Variants in RSPO2 observed in about 807,000 individuals in gnomAD.
The protein encoded by RSPO2 is R-spondin 2, also known as R-spondin-2.
A neutral mutation model predicts 30.9 loss-of-function variants in RSPO2; 14 were observed. The ratio of observed to expected loss-of-function variants is 0.45; its 90% CI spans 0.30 to 0.71. RSPO2 has a LOEUF of 0.71. Among genes scored for constraint, RSPO2 ranks in the 30% least tolerant of loss-of-function variants. The pLI, the probability that RSPO2 is intolerant of heterozygous loss-of-function variation, is 0.08. For missense variants in RSPO2, 264 were observed against 301.9 expected (o/e 0.87, Z 0.93); for synonymous variants, 107 against 96.4 (o/e 1.11, Z -0.64).
chr8:107,908,644 G>T (rs1407983667), intron 5 of RSPO2, among the ~76,000 whole-genome samples: 2 of 152,060 alleles, frequency 1.3e-5, no homozygotes, highest in Admixed American at 6.6e-5. Context: ...CCCATTGGAG[G>T]CTTTTTATTT....
chr8:107,940,679 G>T (rs1241214029), intron 5 of RSPO2, among the ~76,000 whole-genome samples: 1 of 152,126 alleles, frequency 6.6e-6, no homozygotes, highest in African/African-American at 2.4e-5. Context: ...AAGCAATGTA[G>T]ATTCAAGTCC....
At chr8:107,948,353 G>A (rs1813132664) in intron 5 of RSPO2, among the ~76,000 whole-genome samples, 1 of 152,204 alleles carries the variant, frequency 6.6e-6, no homozygotes, top group Non-Finnish European at 1.5e-5. Flanking sequence ...TCTTGGGGAA[G>A]TAGGTTGAAA....
intron 2 of RSPO2, among the ~76,000 whole-genome samples, chr8:108,054,543 G>A (rs1812181694): frequency 1.3e-5 from 2 of 152,136 alleles, no homozygotes; most frequent in Non-Finnish European, 2.9e-5. Context: ...CGAGGGGTTG[G>A]GAAACATAGT....
At position 107,970,038 on chromosome 8, in the gene RSPO2, CAAG is replaced by C. The variant is rs537501995; in HGVS notation, c.284-9224_284-9222del. ...CCACTCAACCCCCATCCAAGGAAAA[CAAG>C]AAGAATACCTTAATCTCTTTATACT... is the stretch of plus-strand genomic sequence containing the variant. On this transcript the variant is annotated intron_variant, in intron 3 of 5. Transcript: ENST00000276659. Among the ~76,000 whole-genome samples, 22 of 152,208 alleles carry C rather than the reference CAAG, an allele frequency of 1.4e-4. No individual in the cohort carries two copies. The South Asian group carries it at 3.7e-3, about 26-fold the overall frequency.
At chr8:107,958,296 A>G (rs1813497370) in intron 4 of RSPO2, 28 bp from the exon 5 acceptor site, 1 of 1,571,070 alleles carries the variant, frequency 6.4e-7, no homozygotes, top group Non-Finnish European at 8.7e-7. Context: ...AAAAAGAAAA[A>G]AAAACACAAG....
intron 2 of RSPO2, among the ~76,000 whole-genome samples, chr8:108,017,117 C>T (rs1810915738): frequency 1.3e-5 from 2 of 151,734 alleles, no homozygotes; most frequent in South Asian, 4.2e-4. Flanking sequence ...CCCAGGTTCA[C>T]ACCATTCTCC....
At chr8:108,081,450 G>A (rs910440107) in intron 2 of RSPO2, among the ~76,000 whole-genome samples, 18 of 152,184 alleles carry the variant, frequency 1.2e-4, no homozygotes, top group Admixed American at 2.0e-4. Flanking sequence ...TTCTAATTGC[G>A]CAAAAGTCCA....
rs1327431650 is a variant in RSPO2, at chr8:107,933,295, ATAAAAG to A, written c.616+24779_616+24784del. The stretch of plus-strand genomic sequence containing the variant: ...AGTCCATGCACATGTTGAGCCTGCT[ATAAAAG>A]TAAAAGAACACAAAAATAGTCAACT... On this transcript the variant is annotated intron_variant, in intron 5 of 5. Transcript: ENST00000276659. 6.6e-5 allele frequency among the ~76,000 whole-genome samples: 10 copies of A among 152,322 alleles called. No individual in the cohort carries two copies. In the East Asian group the frequency reaches 1.7e-3, roughly 26 times the overall value.
At chr8:107,976,629 C>T (rs987904987) in intron 3 of RSPO2, among the ~76,000 whole-genome samples, 2 of 152,256 alleles carry the variant, frequency 1.3e-5, no homozygotes, top group East Asian at 1.9e-4. Flanking sequence ...AATTTTTAGA[C>T]ATGAGGACAC....
chr8:107,978,199 G>A (rs1022412540), intron 3 of RSPO2, among the ~76,000 whole-genome samples: 18 of 151,990 alleles, frequency 1.2e-4, no homozygotes, highest in Admixed American at 6.6e-4. Context: ...AAGCCGAGGC[G>A]GGCAGATCAC....
In RSPO2 at chr8:107,933,359, C is replaced by T. The variant is rs61340328; in HGVS notation, c.616+24721G>A. Reference sequence around the variant, plus strand: ...AGTAACTGGCCAAAAGGATTGTATACGAAATATACACATATTTAAATTATC... The same window carrying T: ...AGTAACTGGCCAAAAGGATTGTATATGAAATATACACATATTTAAATTATC... On this transcript the variant is annotated intron_variant, in intron 5 of 5. Coordinates refer to ENST00000276659, the MANE Select transcript of RSPO2 (RefSeq NM_178565.5). 6.9e-3 allele frequency among the ~76,000 whole-genome samples: 1,053 copies of T among 152,196 alleles called. 6 individuals are homozygous for T. The highest frequency in any genetic ancestry group is 0.024 in the African/African-American group (994 of 41,518).
At chr8:108,013,027 A>G (rs1810757560) in intron 2 of RSPO2, among the ~76,000 whole-genome samples, 1 of 152,178 alleles carries the variant, frequency 6.6e-6, no homozygotes, top group Non-Finnish European at 1.5e-5. Flanking sequence ...CTGTGGAAAG[A>G]ATGGCTGTTC....
At chr8:107,910,444 G>T (rs1811786466) in intron 5 of RSPO2, among the ~76,000 whole-genome samples, 1 of 152,162 alleles carries the variant, frequency 6.6e-6, no homozygotes, top group South Asian at 2.1e-4. Flanking sequence ...AAGGCAGGAG[G>T]ATTGCTTGAG....
At chr8:107,956,900 T>C (rs1813451638) in intron 5 of RSPO2, among the ~76,000 whole-genome samples, 1 of 152,216 alleles carries the variant, frequency 6.6e-6, no homozygotes, top group South Asian at 2.1e-4. Context: ...GAAAAATACC[T>C]AGTTTAAGTG....
chr8:107,964,960 T>C (rs1813748360), intron 3 of RSPO2, among the ~76,000 whole-genome samples: 2 of 152,198 alleles, frequency 1.3e-5, no homozygotes, highest in South Asian at 4.1e-4. Context: ...ATAGCCACTG[T>C]GTTAACAGTT....
chr8:107,961,680 A>G (rs1813631742), intron 3 of RSPO2, among the ~76,000 whole-genome samples: 1 of 152,144 alleles, frequency 6.6e-6, no homozygotes, highest in Non-Finnish European at 1.5e-5. Flanking sequence ...CTGAGCCTCT[A>G]TTGCCTCCTG....
chr8:108,070,183 G>A (rs973068856), intron 2 of RSPO2, among the ~76,000 whole-genome samples: 1 of 151,872 alleles, frequency 6.6e-6, no homozygotes, highest in Non-Finnish European at 1.5e-5. Context: ...TTTTAGCTGA[G>A]AGTCGTGGCA....
At chr8:107,987,907 A>C (rs1814703629) in intron 3 of RSPO2, among the ~76,000 whole-genome samples, 1 of 152,164 alleles carries the variant, frequency 6.6e-6, no homozygotes, top group Non-Finnish European at 1.5e-5. Context: ...AGATTTAATT[A>C]TCTCATATAT....
intron 2 of RSPO2, among the ~76,000 whole-genome samples, chr8:108,064,307 C>T (rs970700083): frequency 2.0e-5 from 3 of 151,912 alleles, no homozygotes. Context: ...TATCCAGAAT[C>T]TACAAAAAAA....
Sources: allele counts gnomAD v4.1 joint callset (sites outside exome capture counted in the v4.1 genomes callset), GRCh38; gene constraint gnomAD v4.1.1; transcripts MANE v1.5; gene names NCBI Gene and HGNC (gene_info 2026-07-23, HGNC 2026-07-21).